MACROD2: variants seen among roughly 807,000 people sequenced by gnomAD.
MACROD2 encodes the protein ADP-ribose glycohydrolase MACROD2.
MACROD2 carries 36 observed loss-of-function variants against 70.4 expected under a neutral mutation model. The ratio of observed to expected loss-of-function variants is 0.51; its 90% CI spans 0.39 to 0.68. The LOEUF (loss-of-function observed/expected upper bound fraction) is 0.68. MACROD2 is among the 30% of genes least tolerant of loss of function. The pLI, the probability that MACROD2 is intolerant of heterozygous loss-of-function variation, is 0.00. For missense variants in MACROD2, 496 were observed against 538.4 expected (o/e 0.92, Z 0.78); for synonymous variants, 172 against 178.8 (o/e 0.96, Z 0.30).
intron 5 of MACROD2, among the ~76,000 whole-genome samples, chr20:15,111,811 C>G (rs530763570): frequency 6.6e-6 from 1 of 152,362 alleles, no homozygotes; most frequent in African/African-American, 2.4e-5. Flanking sequence ...GGCAGGCCCT[C>G]TCTGCAGGAA....
intron 2 of MACROD2, among the ~76,000 whole-genome samples, chr20:14,024,906 C>T (rs1159769582): frequency 6.6e-6 from 1 of 151,966 alleles, no homozygotes; most frequent in East Asian, 1.9e-4. Context: ...TAGGGAGAGT[C>T]CCTCTTTTTC....
Position 14,520,702 on chromosome 20 carries a change from TC to T in MACROD2, c.301+27198del, listed in dbSNP as rs2085157837. On this transcript the variant is annotated intron_variant, in intron 4 of 17. Coordinates refer to ENST00000684519, the MANE Select transcript of MACROD2 (RefSeq NM_001351661.2). ...CTACTTTGTGTAAACTTTCCTGACT[TC>T]CCCAGGTAGAGCTGACTCTTCCCTC... Among the ~76,000 whole-genome samples, 6 of 152,270 alleles carry T rather than the reference TC, an allele frequency of 3.9e-5. No homozygotes were observed. In the South Asian group the frequency reaches 1.2e-3, roughly 32 times the overall value.
intron 3 of MACROD2, among the ~76,000 whole-genome samples, chr20:14,170,128 A>G (rs2081207972): frequency 6.6e-6 from 1 of 152,050 alleles, no homozygotes; most frequent in Non-Finnish European, 1.5e-5. Context: ...TCCTGATCTC[A>G]TGATCCACCT....
intron 5 of MACROD2, among the ~76,000 whole-genome samples, chr20:14,790,490 A>G (rs975810708): frequency 7.0e-6 from 1 of 143,064 alleles, no homozygotes; most frequent in Non-Finnish European, 1.5e-5. Flanking sequence ...TCCGTTTTAT[A>G]AAAGAGTACA....
intron 8 of MACROD2, among the ~76,000 whole-genome samples, chr20:15,857,667 C>T (rs546510550): frequency 2.6e-5 from 4 of 152,156 alleles, no homozygotes; most frequent in African/African-American, 9.7e-5. Context: ...TTCTCTGTGG[C>T]CAGCCCTAAC....
chr20:14,423,755 A>ATTTTT (rs1165796772), intron 3 of MACROD2, among the ~76,000 whole-genome samples: 6 of 63,100 alleles, frequency 9.5e-5, no homozygotes, highest in East Asian at 5.5e-4. Context: ...GACATCTTAA[A>ATTTTT]TTTTTTTTTT....
intron 5 of MACROD2, among the ~76,000 whole-genome samples, chr20:14,925,813 A>G (rs778118233): frequency 3.3e-5 from 5 of 152,170 alleles, no homozygotes; most frequent in Non-Finnish European, 5.9e-5. Context: ...TAATCTCTAA[A>G]CAAGATTTCT....
At position 14,879,353 on chromosome 20, in the gene MACROD2, C is replaced by G. The variant is rs558626875; in HGVS notation, c.418+194394C>G. ...TTAAAAAAGTATTCTTCCAAGTTAG[C>G]ATGAATTTGACCTATCTTTTAGAGT... On this transcript the variant is annotated intron_variant, in intron 5 of 17. Coordinates refer to ENST00000684519, the MANE Select transcript of MACROD2 (RefSeq NM_001351661.2). Among the ~76,000 whole-genome samples the G allele has an allele frequency of 7.9e-5, 12 of 152,262 alleles. 1 individual carries two copies. The East Asian group carries it at 2.3e-3, about 29-fold the overall frequency.
intron 5 of MACROD2, among the ~76,000 whole-genome samples, chr20:15,148,629 G>A (rs2076247457): frequency 6.6e-6 from 1 of 151,968 alleles, no homozygotes; most frequent in Non-Finnish European, 1.5e-5. Flanking sequence ...GTTTTTTGGG[G>A]CGCAGTCCAA....
chr20:15,692,038 A>G (rs917445988), intron 8 of MACROD2, among the ~76,000 whole-genome samples: 3 of 152,304 alleles, frequency 2.0e-5, no homozygotes, highest in African/African-American at 7.2e-5. Context: ...TTTCCTGTGT[A>G]GTTTGGCCAC....
intron 5 of MACROD2, among the ~76,000 whole-genome samples, chr20:14,707,454 G>A (rs746919808): frequency 5.3e-5 from 8 of 152,138 alleles, no homozygotes; most frequent in African/African-American, 9.7e-5. Context: ...CATAAGCAGA[G>A]AACATTTATC....
intron 4 of MACROD2, among the ~76,000 whole-genome samples, chr20:14,601,036 A>T (rs905338761): frequency 3.9e-5 from 6 of 152,112 alleles, no homozygotes; most frequent in African/African-American, 1.4e-4. Context: ...TACCACCCTG[A>T]ATCCCGGTTC....
intron 3 of MACROD2, among the ~76,000 whole-genome samples, chr20:14,382,705 G>A (rs73092460): frequency 6.6e-6 from 1 of 151,608 alleles, no homozygotes; most frequent in East Asian, 1.9e-4. Context: ...TAAATAAAAG[G>A]TTAATCTGAA....
chr20:14,397,297 A>C (rs1719652670), intron 3 of MACROD2, among the ~76,000 whole-genome samples: 1 of 152,088 alleles, frequency 6.6e-6, no homozygotes, highest in Non-Finnish European at 1.5e-5. Context: ...CTGGCTGACC[A>C]TTTACATTTA....
chr20:14,904,749 A>T, intron 5 of MACROD2, among the ~76,000 whole-genome samples: 1 of 152,194 alleles, frequency 6.6e-6, no homozygotes, highest in South Asian at 2.1e-4. Flanking sequence ...AAACTGGATT[A>T]TTATAAGTAA....
At chr20:15,140,249 A>G (rs1459555839) in intron 5 of MACROD2, among the ~76,000 whole-genome samples, 39 of 152,164 alleles carry the variant, frequency 2.6e-4, no homozygotes, top group Admixed American at 2.5e-3. Context: ...TCATGCCAGC[A>G]TAAGAACTTT....
chr20:14,760,748 G>A (rs1321515388), intron 5 of MACROD2, among the ~76,000 whole-genome samples: 3 of 151,902 alleles, frequency 2.0e-5, no homozygotes, highest in African/African-American at 4.8e-5. Context: ...TCCATTCAAC[G>A]TTTTGAACCT....
intron 5 of MACROD2, among the ~76,000 whole-genome samples, chr20:14,710,078 G>T (rs778933070): frequency 6.6e-6 from 1 of 152,246 alleles, no homozygotes; most frequent in East Asian, 1.9e-4. Context: ...AAGCAAATTT[G>T]TATAGAAGAA....
At chr20:14,905,025 A>C (rs1337922406) in intron 5 of MACROD2, 1 of 152,160 alleles carries the variant, frequency 6.6e-6, no homozygotes, top group African/African-American at 2.4e-5. Context: ...GCTCTGAGTG[A>C]TGGTGGGCAC....
Sources: allele counts gnomAD v4.1 joint callset (sites outside exome capture counted in the v4.1 genomes callset), GRCh38; gene constraint gnomAD v4.1.1; transcripts MANE v1.5; gene names NCBI Gene and HGNC (gene_info 2026-07-23, HGNC 2026-07-21).